Variants in CREB5 observed in about 807,000 individuals in gnomAD.
CREB5 encodes the protein cyclic AMP-responsive element-binding protein 5.
CREB5 carries 19 observed loss-of-function variants against 57.1 expected under a neutral mutation model. The observed-to-expected ratio is 0.33, with a 90% CI of 0.23 to 0.49. The LOEUF (loss-of-function observed/expected upper bound fraction) is 0.49, where lower values mean the gene tolerates loss of function less well. CREB5 is among the 20% of genes least tolerant of loss of function. The pLI, the probability that CREB5 is intolerant of heterozygous loss-of-function variation, is 0.99. For missense variants in CREB5, 579 were observed against 671.6 expected, an observed-to-expected ratio of 0.86 and a Z score of 1.52; for synonymous variants, 238 against 238.3, an observed-to-expected ratio of 1.00 and a Z score of 0.01.
chr7:28,596,639 G>A (rs1007323580), intron 5 of CREB5, among the ~76,000 whole-genome samples: 10 of 152,170 alleles, frequency 6.6e-5, no homozygotes, highest in Non-Finnish European at 1.5e-4. Context: ...CTAGACCTGG[G>A]TCCAAGCCTG....
chr7:28,399,235 G>T (rs1484314744), intron 1 of CREB5, among the ~76,000 whole-genome samples: 1 of 151,152 alleles, frequency 6.6e-6, no homozygotes, highest in East Asian at 1.9e-4. Flanking sequence ...AGTTCTATAT[G>T]GCAAAAGACA....
rs79105176 is a variant in CREB5, at chr7:28,795,391, A to G, written c.703-8808A>G. ...TCTCGACTAGCTTTGTATTATACACAGTTGATGGCTGTGACTTCTGCATTT... is the reference window on the plus strand; with the variant it reads ...TCTCGACTAGCTTTGTATTATACACGGTTGATGGCTGTGACTTCTGCATTT... On this transcript the variant is annotated intron_variant, in intron 7 of 10. Coordinates refer to ENST00000357727, the MANE Select transcript of CREB5 (RefSeq NM_182898.4). 6.5e-3 allele frequency among the ~76,000 whole-genome samples: 988 copies of G among 152,344 alleles called. 14 individuals are homozygous for G. Among genetic ancestry groups the G allele is most frequent in the African/African-American group, 0.023 (949 of 41,580 alleles).
At position 28,507,835 on chromosome 7, in the gene CREB5, T is replaced by G. The variant is rs565170987; in HGVS notation, c.291+98T>G. The stretch of plus-strand genomic sequence containing the variant: ...CACTGCAGATTGTGTTGATGTGGCC[T>G]TGAAGTATTTTAGCCATTTGTGAGT... On this transcript the variant is annotated intron_variant, in intron 4 of 10. Transcript: ENST00000357727. The G allele has an allele frequency of 2.5e-5, 33 of 1,312,144 alleles. 1 individual carries two copies. The South Asian group carries it at 7.0e-4, about 28-fold the overall frequency. The allele number at this position is 1,312,144 out of a possible 1,614,324, so 81.3% of individuals were successfully genotyped here.
intron 7 of CREB5, among the ~76,000 whole-genome samples, chr7:28,793,363 A>T (rs1807839750): frequency 6.6e-6 from 1 of 152,244 alleles, no homozygotes; most frequent in African/African-American, 2.4e-5. Context: ...CTATCATTAG[A>T]AAAACCAGGA....
At chr7:28,606,008 T>C (rs1015253146) in intron 5 of CREB5, among the ~76,000 whole-genome samples, 1 of 152,204 alleles carries the variant, frequency 6.6e-6, no homozygotes, top group African/African-American at 2.4e-5. Context: ...TGGATAAATT[T>C]CACTATATGC....
At chr7:28,750,949 A>G (rs990260257) in intron 7 of CREB5, among the ~76,000 whole-genome samples, 24 of 152,248 alleles carry the variant, frequency 1.6e-4, no homozygotes, top group South Asian at 6.2e-4. Flanking sequence ...GAACCTTTCA[A>G]TTGTCTGTCT....
chr7:28,699,723 A>G (rs1412200195), intron 5 of CREB5, among the ~76,000 whole-genome samples: 1 of 152,200 alleles, frequency 6.6e-6, no homozygotes, highest in Non-Finnish European at 1.5e-5. Flanking sequence ...CAGAAATAGT[A>G]GGGCCAAATT....
At chr7:28,494,076 A>G (rs1356285401) in intron 2 of CREB5, among the ~76,000 whole-genome samples, 1 of 152,192 alleles carries the variant, frequency 6.6e-6, no homozygotes, top group Non-Finnish European at 1.5e-5. Flanking sequence ...TGGTTAATCC[A>G]TAGATAATGT....
chr7:28,652,341 T>G (rs1049841465), intron 5 of CREB5, among the ~76,000 whole-genome samples: 1 of 152,228 alleles, frequency 6.6e-6, no homozygotes, highest in Admixed American at 6.5e-5. Flanking sequence ...AATGGAAGTT[T>G]TGGTTTCACA....
At chr7:28,562,128 T>C (rs1487415048) in intron 4 of CREB5, among the ~76,000 whole-genome samples, 1 of 152,218 alleles carries the variant, frequency 6.6e-6, no homozygotes, top group African/African-American at 2.4e-5. Flanking sequence ...ATTTGCTCAA[T>C]CTTGATTCCA....
intron 5 of CREB5, among the ~76,000 whole-genome samples, chr7:28,673,657 C>CTTTTTTT (rs549391329): frequency 4.5e-4 from 25 of 55,728 alleles, no homozygotes; most frequent in Non-Finnish European, 6.0e-4. Flanking sequence ...CTCTCTCTCT[C>CTTTTTTT]TTTTTTTTTT....
intron 5 of CREB5, among the ~76,000 whole-genome samples, chr7:28,693,539 A>G (rs918389039): frequency 1.3e-5 from 2 of 152,176 alleles, no homozygotes; most frequent in Non-Finnish European, 2.9e-5. Flanking sequence ...AAAAAAGAAA[A>G]AAAATGTCTG....
intron 1 of CREB5, among the ~76,000 whole-genome samples, chr7:28,448,892 C>G (rs1789638067): frequency 6.6e-6 from 1 of 152,222 alleles, no homozygotes; most frequent in African/African-American, 2.4e-5. Context: ...CTGCTGGGAG[C>G]AGCACCACGG....
intron 5 of CREB5, among the ~76,000 whole-genome samples, chr7:28,640,293 T>A (rs1798599905): frequency 6.6e-6 from 1 of 152,238 alleles, no homozygotes; most frequent in Non-Finnish European, 1.5e-5. Context: ...ATGTTTACCA[T>A]GTGAACTCAG....
chr7:28,559,797 A>T (rs1027600725), intron 4 of CREB5, among the ~76,000 whole-genome samples: 1 of 152,244 alleles, frequency 6.6e-6, no homozygotes, highest in African/African-American at 2.4e-5. Context: ...GCTAGGTGCT[A>T]GCGATAGAAG....
intron 5 of CREB5, among the ~76,000 whole-genome samples, chr7:28,668,789 C>T (rs987053028): frequency 2.6e-5 from 4 of 152,146 alleles, no homozygotes; most frequent in African/African-American, 7.2e-5. Context: ...AGGCCTCAAG[C>T]GTGCCATGGC....
At chr7:28,365,974 T>G (rs1786578218) in intron 1 of CREB5, among the ~76,000 whole-genome samples, 1 of 152,312 alleles carries the variant, frequency 6.6e-6, no homozygotes, top group Admixed American at 6.5e-5. Context: ...AATATTGACA[T>G]CTTAAAACTG....
chr7:28,439,373 A>G (rs1562716851), intron 1 of CREB5, among the ~76,000 whole-genome samples: 1 of 152,302 alleles, frequency 6.6e-6, no homozygotes, highest in East Asian at 1.9e-4. Flanking sequence ...CATCCTTGCA[A>G]ACTACCAGAC....
intron 5 of CREB5, among the ~76,000 whole-genome samples, chr7:28,688,118 A>G (rs1437379635): frequency 1.3e-5 from 2 of 152,240 alleles, no homozygotes; most frequent in African/African-American, 4.8e-5. Context: ...GAGGATGGAC[A>G]GGAGTATATC....
Sources: gnomAD v4.1 joint callset for allele counts (sites outside exome capture counted in the v4.1 genomes callset) on GRCh38, gnomAD v4.1.1 for gene constraint, MANE v1.5 for transcripts, NCBI Gene and HGNC (gene_info 2026-07-23, HGNC 2026-07-21) for gene names.